PAH: variants seen among roughly 807,000 people sequenced by gnomAD.
PAH encodes phenylalanine-4-hydroxylase.
A neutral mutation model predicts 62.0 loss-of-function variants in PAH; 64 were observed. That is an observed-to-expected ratio of 1.03 (90% confidence interval 0.84 to 1.27). The LOEUF (loss-of-function observed/expected upper bound fraction) is 1.27, where lower values mean the gene tolerates loss of function less well. PAH is among the 50% of genes most tolerant of loss of function. PAH has a pLI of 0.00. For synonymous variants in PAH, 195 were observed against 196.2 expected, an observed-to-expected ratio of 0.99 and a Z score of 0.05; for missense variants, 579 against 542.8, an observed-to-expected ratio of 1.07 and a Z score of -0.66.
intron 3 of PAH, among the ~76,000 whole-genome samples, chr12:102,892,595 A>G (rs536725662): frequency 6.6e-6 from 1 of 152,232 alleles, no homozygotes; most frequent in Non-Finnish European, 1.5e-5. Flanking sequence ...ACCATGGAAT[A>G]TTATTCAGGA....
chr12:102,902,365 A>C (rs967310730), intron 2 of PAH, among the ~76,000 whole-genome samples: 2 of 152,174 alleles, frequency 1.3e-5, no homozygotes, highest in Non-Finnish European at 2.9e-5. Context: ...GTGATATAAG[A>C]AGCTATGAGA....
At position 102,894,925 on chromosome 12, in the gene PAH, G is replaced by A; in HGVS notation, c.169-7C>T. ...TCAGGTTTACATCATTCTCCTAGAA[G>A]AGAGAATGGGGAGGGTGAGGAGACA... On this transcript the variant is annotated splice_polypyrimidine_tract_variant and splice_region_variant and intron_variant, in intron 2 of 12. Transcript: ENST00000553106. The A allele has an allele frequency of 6.2e-7, 1 of 1,606,342 alleles. No individual in the cohort carries two copies. Among genetic ancestry groups the A allele is most frequent in the Non-Finnish European group, 8.5e-7 (1 of 1,174,012 alleles).
chr12:102,904,003 C>T (rs2136714976), intron 2 of PAH, among the ~76,000 whole-genome samples: 1 of 152,180 alleles, frequency 6.6e-6, no homozygotes, highest in African/African-American at 2.4e-5. Flanking sequence ...AAATATAGAG[C>T]ACTACAGAAA....
intron 5 of PAH, among the ~76,000 whole-genome samples, chr12:102,858,636 G>A (rs1174676429): frequency 6.6e-6 from 1 of 152,178 alleles, no homozygotes; most frequent in East Asian, 1.9e-4. Context: ...TCAGACCACA[G>A]TGCAATCAAA....
intron 2 of PAH, among the ~76,000 whole-genome samples, chr12:102,906,534 A>C (rs939198999): frequency 6.6e-6 from 1 of 152,168 alleles, no homozygotes; most frequent in Non-Finnish European, 1.5e-5. Flanking sequence ...AAAGTTATGA[A>C]CCTGATCTAT....
chr12:102,930,679 G>C (rs963759270), intron 1 of PAH, among the ~76,000 whole-genome samples: 2 of 152,212 alleles, frequency 1.3e-5, no homozygotes, highest in African/African-American at 2.4e-5. Context: ...TTGAGAAGAA[G>C]TTTGGAGAGC....
rs548881590 is a variant in PAH, at chr12:102,911,222, A to G, written c.168+1569T>C. Among the ~76,000 whole-genome samples the G allele has an allele frequency of 7.9e-5, 12 of 152,306 alleles. 1 individual carries two copies. Among genetic ancestry groups the G allele is most frequent in the Non-Finnish European group, 1.2e-4 (8 of 68,020 alleles). On this transcript the variant is annotated intron_variant, in intron 2 of 12. Coordinates refer to ENST00000553106, the MANE Select transcript of PAH (RefSeq NM_000277.3). ...AACTAAATGGCAAATCAAAAACACC[A>G]TAACAGGACATGAGAGAGACCACAG...
intron 3 of PAH, among the ~76,000 whole-genome samples, chr12:102,887,012 T>G (rs1374659335): frequency 6.6e-6 from 1 of 152,070 alleles, no homozygotes; most frequent in Non-Finnish European, 1.5e-5. Context: ...CAGTCAAGGT[T>G]TTTAAAAAGT....
intron 10 of PAH, 57 bp from the exon 11 acceptor site, chr12:102,843,836 G>T: frequency 3.2e-6 from 5 of 1,574,174 alleles, no homozygotes; most frequent in Non-Finnish European, 4.3e-6. Flanking sequence ...AGTATTCCCT[G>T]CTGCATCCCA....
At chr12:102,898,617 T>G (rs547898733) in intron 2 of PAH, among the ~76,000 whole-genome samples, 2 of 152,344 alleles carry the variant, frequency 1.3e-5, no homozygotes, top group Admixed American at 1.3e-4. Flanking sequence ...AGTAACACTT[T>G]ATAGTATAGA....
intron 4 of PAH, among the ~76,000 whole-genome samples, chr12:102,876,394 C>T (rs773007098): frequency 1.3e-5 from 2 of 152,172 alleles, no homozygotes; most frequent in Non-Finnish European, 2.9e-5. Flanking sequence ...AGTTTAGCAC[C>T]GGGCCTTAGA....
intron 11 of PAH, among the ~76,000 whole-genome samples, chr12:102,842,063 T>G (rs1049025652): frequency 2.0e-5 from 3 of 152,228 alleles, no homozygotes; most frequent in African/African-American, 7.2e-5. Flanking sequence ...GTTTTCATGG[T>G]TGTTTCCCTT....
At chr12:102,852,667 T>C in intron 7 of PAH, 148 bp downstream of exon 7, 2 of 955,010 alleles carry the variant, frequency 2.1e-6, no homozygotes, top group Non-Finnish European at 3.4e-6. Context: ...ATCTCCAGAA[T>C]AGATGAATTG....
chr12:102,871,934 AAAAAAAAAAAAAAAAATATATATATATAT>A (rs1442051172), intron 4 of PAH, among the ~76,000 whole-genome samples: 44 of 108,508 alleles, frequency 4.1e-4, no homozygotes, highest in South Asian at 1.4e-3. Context: ...AAAAAAAAAA[AAAAAAAAAAAAAAAAATATATATATATAT>A]ATATATATAT....
chr12:102,861,986 A>G lies in PAH; in HGVS notation c.509+4610T>C, dbSNP rs114742147. On this transcript the variant is annotated intron_variant, in intron 5 of 12. Transcript: ENST00000553106. ...AAGTATAAAAAAAAAAAAAAAAGAA[A>G]GACTGTGGCAATTCCTCAAAGACCT... Among the ~76,000 whole-genome samples the G allele has an allele frequency of 7.7e-3, 1,150 of 149,834 alleles. 23 individuals carry two copies. The highest frequency in any genetic ancestry group is 0.027 in the African/African-American group (1,111 of 40,720).
chr12:102,913,030 A>T, intron 1 of PAH, 132 bp from the exon 2 acceptor site: 1 of 682,100 alleles, frequency 1.5e-6, no homozygotes, highest in Non-Finnish European at 2.7e-6. Context: ...AGCTATATAT[A>T]TTCTATACAG....
chr12:102,923,954 A>G (rs1357542550), intron 1 of PAH, among the ~76,000 whole-genome samples: 2 of 152,184 alleles, frequency 1.3e-5, no homozygotes, highest in African/African-American at 4.8e-5. Flanking sequence ...TCTATGCTCA[A>G]TATTCAAAGA....
intron 5 of PAH, 50 bp downstream of exon 5, chr12:102,866,546 G>A (rs1875970693): frequency 3.6e-6 from 5 of 1,393,864 alleles, no homozygotes; most frequent in South Asian, 1.2e-5. Context: ...GGAGAAGCAG[G>A]CTAGGGGTGT....
At chr12:102,841,737 C>T (rs576942905) in intron 11 of PAH, among the ~76,000 whole-genome samples, 2 of 152,334 alleles carry the variant, frequency 1.3e-5, no homozygotes, top group East Asian at 3.9e-4. Flanking sequence ...GCCTGCTCTG[C>T]ACCTCTTCCT....
Sources: allele counts gnomAD v4.1 joint callset (sites outside exome capture counted in the v4.1 genomes callset), GRCh38; gene constraint gnomAD v4.1.1; transcripts MANE v1.5; gene names NCBI Gene and HGNC (gene_info 2026-07-23, HGNC 2026-07-21).